UQCR11: variants seen among roughly 807,000 people sequenced by gnomAD.
The protein encoded by UQCR11 is ubiquinol-cytochrome c reductase, complex III subunit XI, also known as cytochrome b-c1 complex subunit 10.
In UQCR11, 10 loss-of-function variants were observed where a neutral mutation model predicts 7.6. The ratio of observed to expected loss-of-function variants is 1.31; its 90% CI spans 0.81 to 2.22. The LOEUF is 2.22. UQCR11 is among the 30% of genes most tolerant of loss of function. The probability of loss-of-function intolerance (pLI) is 0.00; values close to 1 mark genes in which losing one functional copy is unlikely to be tolerated. For synonymous variants in UQCR11, 34 were observed against 34.9 expected (o/e 0.97, Z 0.09); for missense variants, 86 against 75.1 (o/e 1.15, Z -0.54).
chr19:1,602,658 G>A (rs2060750692), intron 1 of UQCR11, among the ~76,000 whole-genome samples: 1 of 152,014 alleles, frequency 6.6e-6, no homozygotes. Context: ...CACCTTGTTG[G>A]CCAGGCTCTT....
intron 1 of UQCR11, 106 bp from the exon 2 acceptor site, chr19:1,599,666 G>T: frequency 6.7e-7 from 1 of 1,493,444 alleles, no homozygotes; most frequent in Non-Finnish European, 8.9e-7. Context: ...TGAGGTGCGG[G>T]CCTGGCACCT....
intron 1 of UQCR11, among the ~76,000 whole-genome samples, chr19:1,601,324 C>T (rs1231240319): frequency 3.4e-5 from 5 of 148,206 alleles, no homozygotes; most frequent in East Asian, 2.1e-4. Context: ...AAATGAGGGC[C>T]GGGCATGGTG....
At chr19:1,601,395 G>C (rs566874673) in intron 1 of UQCR11, among the ~76,000 whole-genome samples, 1 of 152,216 alleles carries the variant, frequency 6.6e-6, no homozygotes, top group South Asian at 2.1e-4. Context: ...GAGGTCAGGA[G>C]ATAGGGACCA....
intron 1 of UQCR11, among the ~76,000 whole-genome samples, chr19:1,601,196 C>T (rs865892958): frequency 2.0e-5 from 3 of 152,130 alleles, no homozygotes; most frequent in Non-Finnish European, 4.4e-5. Flanking sequence ...TGGCTTCCAT[C>T]CTGGGCACCT....
rs970600545 is a variant in UQCR11, at chr19:1,597,489, C to T, written c.*755G>A. 7.9e-5 allele frequency: 12 copies of T among 152,432 alleles called. No individual in the cohort carries two copies. The highest frequency in any genetic ancestry group is 2.0e-4 in the Admixed American group (3 of 15,296). 9.4% of individuals were successfully genotyped at this position (152,432 alleles called of 1,614,324 possible). On this transcript the variant is annotated 3_prime_UTR_variant, in exon 3 of 3. Coordinates refer to ENST00000591899, the MANE Select transcript of UQCR11 (RefSeq NM_006830.4). ...AAACAGGCTGTGGCGGAAGTGATCA[C>T]GTGAGACTTCTCAGGGTGGCTCATA...
In UQCR11 at chr19:1,605,391, C is replaced by G; in HGVS notation, c.19G>C (p.Gly7Arg). 1 of 1,576,370 alleles carries G rather than the reference C, an allele frequency of 6.3e-7. No homozygotes were observed. Residue 7 changes from glycine (G) to arginine (R), a missense_variant, in exon 1 of 3, where the codon GGC becomes CGC. By Grantham distance (125) the Gly-to-Arg change is moderately radical. Coordinates refer to ENST00000591899, the MANE Select transcript of UQCR11 (RefSeq NM_006830.4). ...TTGACCAGCTCCCGGTAGCGTGGGC[C>G]CAGGAACCGGGTCACCATCGCGGCG... Reference protein sequence around the residue: MVTRFLGPRYRELVKNW... With the variant: MVTRFLRPRYRELVKNW...
At chr19:1,602,606 C>T (rs991417113) in intron 1 of UQCR11, among the ~76,000 whole-genome samples, 11 of 152,188 alleles carry the variant, frequency 7.2e-5, no homozygotes, top group African/African-American at 2.4e-4. Flanking sequence ...TGTCCACTAC[C>T]GCGCCCGACT....
intron 1 of UQCR11, among the ~76,000 whole-genome samples, chr19:1,601,469 C>T (rs764504244): frequency 2.0e-5 from 3 of 149,870 alleles, no homozygotes; most frequent in Non-Finnish European, 4.5e-5. Flanking sequence ...GGCAAGGTGG[C>T]GGGCGCCTGT....
chr19:1,605,380 G>A lies in UQCR11; in HGVS notation c.30C>T (p.Tyr10=). The A allele has an allele frequency of 1.3e-6, 2 of 1,579,618 alleles. No individual in the cohort carries two copies. The highest frequency in any genetic ancestry group is 8.6e-7 in the Non-Finnish European group (1 of 1,167,488). ...CTCACCAGTTCTTGACCAGCTCCCG[G>A]TAGCGTGGGCCCAGGAACCGGGTCA... The part of the protein sequence containing the change: MVTRFLGPR[Y]RELVKNWVPT... The change falls in exon 1 of 3, where the codon TAC becomes TAT. Residue 10 remains tyrosine (Y), a synonymous_variant. Coordinates refer to ENST00000591899, the MANE Select transcript of UQCR11 (RefSeq NM_006830.4).
At position 1,597,257 on chromosome 19, in the gene UQCR11, G is replaced by T. The variant is rs1018414932; in HGVS notation, c.*987C>A. 1.3e-5 allele frequency: 2 copies of T among 151,550 alleles called. No individual in the cohort carries two copies. The highest frequency in any genetic ancestry group is 4.9e-5 in the African/African-American group (2 of 41,216). The allele number at this position is 151,550 out of a possible 1,614,324, so 9.4% of individuals were successfully genotyped here. A position where few individuals can be genotyped will look rare whatever the true frequency, so the allele number is the denominator to read the frequency against. On this transcript the variant is annotated 3_prime_UTR_variant, in exon 3 of 3. Coordinates refer to ENST00000591899, the MANE Select transcript of UQCR11 (RefSeq NM_006830.4). ...CCTCTTTGTTGCCCAGGTTAGTACT[G>T]AACTCCTGGTTCAAGTGATGCCCCT...
At chr19:1,603,331 A>T (rs370300828) in intron 1 of UQCR11, among the ~76,000 whole-genome samples, 11 of 152,342 alleles carry the variant, frequency 7.2e-5, no homozygotes, top group Admixed American at 2.0e-4. Flanking sequence ...GGCTGGGCGC[A>T]GTGGCTCATG....
intron 1 of UQCR11, among the ~76,000 whole-genome samples, chr19:1,600,493 G>A (rs772853306): frequency 1.6e-4 from 25 of 152,232 alleles, no homozygotes; most frequent in Non-Finnish European, 3.1e-4. Flanking sequence ...GATTACAGGC[G>A]TGAGCCACCG....
intron 1 of UQCR11, 146 bp from the exon 2 acceptor site, chr19:1,599,706 G>A (rs1029277539): frequency 1.5e-5 from 19 of 1,285,784 alleles, no homozygotes; most frequent in Non-Finnish European, 1.7e-5. Flanking sequence ...AGCCCTGAGG[G>A]CTGGCACCAG....
Position 1,605,418 on chromosome 19 carries a change from A to C in UQCR11, c.-9T>G, listed in dbSNP as rs2060759278. The C allele has an allele frequency of 7.0e-7, 1 of 1,436,556 alleles. No individual in the cohort carries two copies. Among genetic ancestry groups the C allele is most frequent in the South Asian group, 1.2e-5 (1 of 83,916 alleles). 89.0% of individuals were successfully genotyped at this position (1,436,556 alleles called of 1,614,324 possible). Reference sequence around the variant, plus strand: ...AGGAACCGGGTCACCATCGCGGCGGAGTCGCACCCTCAGGATGACCCTGTC... The same window carrying C: ...AGGAACCGGGTCACCATCGCGGCGGCGTCGCACCCTCAGGATGACCCTGTC... On this transcript the variant is annotated 5_prime_UTR_variant, in exon 1 of 3. Coordinates refer to ENST00000591899, the MANE Select transcript of UQCR11 (RefSeq NM_006830.4).
chr19:1,599,323 CG>C, intron 2 of UQCR11, 88 bp downstream of exon 2: 1 of 1,526,344 alleles, frequency 6.6e-7, no homozygotes. Context: ...TGAGGGCTGC[CG>C]CCCCGGCTCT....
Position 1,599,434 on chromosome 19 carries a change from G to C in UQCR11, c.*6C>G, listed in dbSNP as rs772400257. The stretch of plus-strand genomic sequence containing the variant: ...TACCAGAGCAGTCTGTGAAGGGTTT[G>C]TGTAATTAATTATCCTTCTTAAACT... On this transcript the variant is annotated 3_prime_UTR_variant, in exon 2 of 3. Coordinates refer to ENST00000591899, the MANE Select transcript of UQCR11 (RefSeq NM_006830.4). The C allele has an allele frequency of 6.2e-7, 1 of 1,613,494 alleles. No homozygotes were observed. The highest frequency in any genetic ancestry group is 2.2e-5 in the East Asian group (1 of 44,894).
intron 1 of UQCR11, 114 bp downstream of exon 1, chr19:1,605,246 G>A: frequency 3.2e-6 from 4 of 1,266,478 alleles, no homozygotes; most frequent in Non-Finnish European, 4.2e-6. Flanking sequence ...GAACAACAAG[G>A]GACCTGGGCC....
In UQCR11 at chr19:1,598,089, C is replaced by T. The variant is rs1367518306; in HGVS notation, c.*155G>A. The T allele has an allele frequency of 6.6e-6, 1 of 152,234 alleles. No individual in the cohort carries two copies. The highest frequency in any genetic ancestry group is 1.9e-4 in the East Asian group (1 of 5,194). 9.4% of individuals were successfully genotyped at this position (152,234 alleles called of 1,614,324 possible). A position where few individuals can be genotyped will look rare whatever the true frequency, so the allele number is the denominator to read the frequency against. ...TTTAATGCAACGTGCATTAAAATAT[C>T]CAAGCTGTTTTCAGAAACATAAGAA... On this transcript the variant is annotated 3_prime_UTR_variant, in exon 3 of 3. Transcript: ENST00000591899.
At chr19:1,603,531 C>T (rs758248889) in intron 1 of UQCR11, among the ~76,000 whole-genome samples, 88 of 152,232 alleles carry the variant, frequency 5.8e-4, no homozygotes, top group Non-Finnish European at 1.0e-3. Flanking sequence ...GGCGTGAACC[C>T]GGGAGGCGGA....
Sources: gnomAD v4.1 joint callset for allele counts (sites outside exome capture counted in the v4.1 genomes callset) on GRCh38, gnomAD v4.1.1 for gene constraint, MANE v1.5 for transcripts, NCBI Gene and HGNC (gene_info 2026-07-23, HGNC 2026-07-21) for gene names.